The following VIRMA variants were observed in gnomAD, a reference collection of about 807,000 sequenced individuals.
VIRMA encodes protein virilizer homolog.
In VIRMA, 65 loss-of-function variants were observed where a neutral mutation model predicts 182.4. That is an observed-to-expected ratio of 0.36 (90% CI 0.29 to 0.44). The LOEUF (loss-of-function observed/expected upper bound fraction) is 0.44. Among genes scored for constraint, VIRMA ranks in the 20% least tolerant of loss-of-function variants. The probability of loss-of-function intolerance (pLI) is 1.00; values close to 1 mark genes in which losing one functional copy is unlikely to be tolerated. For missense variants in VIRMA, 1,752 were observed against 2,158.1 expected, an observed-to-expected ratio of 0.81 and a Z score of 3.73; for synonymous variants, 709 against 743.1, an observed-to-expected ratio of 0.95 and a Z score of 0.75.
At position 94,517,972 on chromosome 8, in the gene VIRMA, G is replaced by A. The variant is rs759712312; in HGVS notation, c.2514-30C>T. 9.6e-6 allele frequency: 15 copies of A among 1,566,578 alleles called. No individual in the cohort carries two copies. The East Asian group carries it at 3.4e-4, about 35-fold the overall frequency. On this transcript the variant is annotated intron_variant, in intron 9 of 23. Coordinates refer to ENST00000297591, the MANE Select transcript of VIRMA (RefSeq NM_015496.5). Reference sequence around the variant, plus strand: ...AACAAAATAAGGTTTTTAAGTTTTGGATACAAAAACAATTTTTTAGGAACA... The same window carrying A: ...AACAAAATAAGGTTTTTAAGTTTTGAATACAAAAACAATTTTTTAGGAACA...
chr8:94,531,393 GAA>G (rs1815167306), intron 5 of VIRMA, among the ~76,000 whole-genome samples: 2 of 152,022 alleles, frequency 1.3e-5, no homozygotes, highest in African/African-American at 4.8e-5. Context: ...GAAATGAATG[GAA>G]AAAATACTTT....
intron 5 of VIRMA, among the ~76,000 whole-genome samples, chr8:94,532,593 T>G (rs1401253864): frequency 1.3e-5 from 2 of 152,198 alleles, no homozygotes; most frequent in Non-Finnish European, 2.9e-5. Context: ...ATGTTATCAC[T>G]GGGGGAGGCT....
At chr8:94,516,648 A>G (rs1159287349) in intron 10 of VIRMA, among the ~76,000 whole-genome samples, 1 of 152,168 alleles carries the variant, frequency 6.6e-6, no homozygotes, top group Admixed American at 6.5e-5. Flanking sequence ...TATAGCTCAA[A>G]GATATAAGAA....
chr8:94,538,344 T>C lies in VIRMA; in HGVS notation c.182A>G (p.Glu61Gly). Reference sequence around the variant, plus strand: ...TAATTGAAATGTATGGGGAGATGTCTCTCTGTAAATGAAACAAAGTTGAAA... The same window carrying C: ...TAATTGAAATGTATGGGGAGATGTCCCTCTGTAAATGAAACAAAGTTGAAA... ...SSLPDNRAYG[E>G]TSPHTFQLDL... is the part of the protein sequence containing the mutation. The change falls in exon 3 of 24, where the codon GAG (glutamate) becomes GGG (glycine). Residue 61 changes from glutamate (E) to glycine (G), a missense_variant and splice_region_variant. Physicochemically the swap from Glu to Gly is moderately conservative, Grantham distance 98. Transcript: ENST00000297591. The C allele has an allele frequency of 6.3e-7, 1 of 1,597,938 alleles. No individual in the cohort carries two copies. Among genetic ancestry groups the C allele is most frequent in the Non-Finnish European group, 8.6e-7 (1 of 1,165,848 alleles).
rs376386923 is a variant in VIRMA at position 94,488,722 on chromosome 8, C to T, written c.5423G>A (p.Arg1808His). ...SGGSGRGRHV[R>H]SFTR ...AAAGGATTTTTATCGTGTAAAGGAG[C>T]GTACATGACGACCTCTACCACTGCC... The change falls in exon 24 of 24, where the codon CGC (arginine) becomes CAC (histidine). Residue 1808 changes from arginine to histidine, a missense_variant. By Grantham distance (29) the Arg-to-His change is conservative. Coordinates refer to ENST00000297591, the MANE Select transcript of VIRMA (RefSeq NM_015496.5). The T allele has an allele frequency of 5.0e-6, 8 of 1,613,950 alleles. No individual in the cohort carries two copies. The highest frequency in any genetic ancestry group is 6.8e-6 in the Non-Finnish European group (8 of 1,179,980).
chr8:94,494,920 C>T lies in VIRMA; in HGVS notation c.4581G>A (p.Gln1527=). ...AYVLADVMDD[Q]LKSMWFTPFQ... ...ATGGAGTGAACCACATAGATTTCAA[C>T]TGATCATCCATGACATCAGCAAGCA... The change falls in exon 20 of 24, where the codon CAG becomes CAA. Residue 1527 remains glutamine (Q), a synonymous_variant. Coordinates refer to ENST00000297591, the MANE Select transcript of VIRMA (RefSeq NM_015496.5). The T allele has an allele frequency of 6.2e-7, 1 of 1,612,016 alleles. No individual in the cohort carries two copies. Among genetic ancestry groups the T allele is most frequent in the Admixed American group, 1.7e-5 (1 of 59,942 alleles).
chr8:94,508,099 A>AT (rs1259150824), intron 15 of VIRMA, among the ~76,000 whole-genome samples: 1 of 151,092 alleles, frequency 6.6e-6, no homozygotes, highest in Admixed American at 6.6e-5. Flanking sequence ...AGTAAACTGA[A>AT]TTTTTTTTTG....
At chr8:94,523,232 T>A (rs1414180608) in intron 8 of VIRMA, among the ~76,000 whole-genome samples, 1 of 152,208 alleles carries the variant, frequency 6.6e-6, no homozygotes, top group East Asian at 1.9e-4. Context: ...CAGGAATTGT[T>A]ATTGTTTACT....
intron 1 of VIRMA, among the ~76,000 whole-genome samples, chr8:94,552,938 C>T (rs1336402068): frequency 6.6e-6 from 1 of 151,942 alleles, no homozygotes. Context: ...AACATAATTC[C>T]CGACAGAAAA....
chr8:94,511,304 A>C lies in VIRMA; in HGVS notation c.3271T>G (p.Trp1091Gly), dbSNP rs1814364621. 1 of 1,613,926 alleles carries C rather than the reference A, an allele frequency of 6.2e-7. No homozygotes were observed. The highest frequency in any genetic ancestry group is 1.1e-5 in the South Asian group (1 of 91,044). Reference protein sequence around the residue: ...ISEETLANNTWSLMLKEVLSS... With the variant: ...ISEETLANNTGSLMLKEVLSS... ...AGAACTTCTTTTAACATTAAAGACC[A>C]AGTATTATTGGCCAGAGTCTCTTCT... Residue 1091 changes from tryptophan (W) to glycine (G), a missense_variant, in exon 13 of 24, where the codon TGG becomes GGG. Around this residue, in one of 11 missense-constraint regions of VIRMA, gnomAD observed 777 missense variants for 920.6 expected, o/e 0.84. Transcript: ENST00000297591.
rs1257602095 is a variant in VIRMA at position 94,511,824 on chromosome 8, ATTATAT to A, written c.2846-101_2846-96del. 5.5e-6 allele frequency: 4 copies of A among 724,558 alleles called. No homozygotes were observed. The African/African-American group carries it at 5.6e-5, about 10-fold the overall frequency. 44.9% of individuals were successfully genotyped at this position (724,558 alleles called of 1,614,324 possible). A position where few individuals can be genotyped will look rare whatever the true frequency, so the allele number is the denominator to read the frequency against. On this transcript the variant is annotated intron_variant, in intron 12 of 23. Coordinates refer to ENST00000297591, the MANE Select transcript of VIRMA (RefSeq NM_015496.5). ...AAGTGAATATTTAATATTTATGATA[ATTATAT>A]TTATAATAAATGATTTTTATTATGA...
chr8:94,518,810 C>T (rs1213132717), intron 9 of VIRMA, among the ~76,000 whole-genome samples, 175 bp downstream of exon 9: 1 of 152,152 alleles, frequency 6.6e-6, no homozygotes, highest in African/African-American at 2.4e-5. Flanking sequence ...ACTTTATAGC[C>T]ACATCTTATA....
intron 20 of VIRMA, 124 bp from the exon 21 acceptor site, chr8:94,492,942 A>T: frequency 1.3e-6 from 1 of 789,352 alleles, no homozygotes; most frequent in East Asian, 2.7e-5. Context: ...TTATAGATCT[A>T]CCTCTTTCAT....
intron 6 of VIRMA, among the ~76,000 whole-genome samples, chr8:94,529,661 C>A (rs1320387945): frequency 6.6e-6 from 1 of 151,386 alleles, no homozygotes; most frequent in African/African-American, 2.4e-5. Flanking sequence ...TTTTTTGAGA[C>A]AAGAGTCTCA....
chr8:94,498,104 T>G (rs564571741), intron 17 of VIRMA: 1 of 152,106 alleles, frequency 6.6e-6, no homozygotes, highest in Admixed American at 6.5e-5. Flanking sequence ...CTTGAACTCA[T>G]AGGTTCAAGT....
intron 1 of VIRMA, among the ~76,000 whole-genome samples, chr8:94,545,178 C>A (rs1159694500): frequency 2.6e-5 from 4 of 152,020 alleles, no homozygotes; most frequent in African/African-American, 9.7e-5. Flanking sequence ...TAAATTATAT[C>A]TAGTATATAC....
rs1467288353 is a variant in VIRMA, at chr8:94,496,437, G to A, written c.4274C>T (p.Ala1425Val). The change falls in exon 18 of 24, where the codon GCT (alanine) becomes GTT (valine). Residue 1425 changes from alanine to valine, a missense_variant. Physicochemically the swap from Ala to Val is moderately conservative, Grantham distance 64. Around this residue, in one of 11 missense-constraint regions of VIRMA, gnomAD observed 777 missense variants for 920.6 expected, o/e 0.84. Coordinates refer to ENST00000297591, the MANE Select transcript of VIRMA (RefSeq NM_015496.5). ...DDNGLMEVEGAHTSRTMSINA... is the reference protein window; with the variant it reads ...DDNGLMEVEGVHTSRTMSINA... ...AATACTCATCGTCCGTGATGTATGA[G>A]CTCCCTCTACTTCCATGAGACCATT... 1.2e-6 allele frequency: 2 copies of A among 1,612,914 alleles called. No homozygotes were observed. The highest frequency in any genetic ancestry group is 1.7e-6 in the Non-Finnish European group (2 of 1,179,192).
intron 22 of VIRMA, among the ~76,000 whole-genome samples, chr8:94,490,719 T>C (rs951186399): frequency 6.6e-6 from 1 of 151,876 alleles, no homozygotes; most frequent in African/African-American, 2.4e-5. Flanking sequence ...TGGTGGCGCA[T>C]GCCTATAATC....
chr8:94,517,899 T>A lies in VIRMA; in HGVS notation c.2557A>T (p.Ile853Leu). 6.2e-7 allele frequency: 1 copy of A among 1,612,382 alleles called. No homozygotes were observed. Among genetic ancestry groups the A allele is most frequent in the Non-Finnish European group, 8.5e-7 (1 of 1,178,606 alleles). The change falls in exon 10 of 24, where the codon ATA becomes TTA. Residue 853 changes from isoleucine to leucine, a missense_variant. Ile to Leu is a conservative substitution (Grantham distance 5). Around this residue, in one of 11 missense-constraint regions of VIRMA, gnomAD observed 777 missense variants for 920.6 expected, o/e 0.84. Transcript: ENST00000297591. Reference sequence around the variant, plus strand: ...GACTGAACCACCACCAAAATAAGTATGCATGCGTAATTATAAGCTACTGAC... The same window carrying A: ...GACTGAACCACCACCAAAATAAGTAAGCATGCGTAATTATAAGCTACTGAC... ...KKSVAYNYAC[I>L]LILVVVQSSS...
Sources: allele counts gnomAD v4.1 joint callset (sites outside exome capture counted in the v4.1 genomes callset), GRCh38; gene constraint gnomAD v4.1.1; regional missense constraint gnomAD v4.1.1; transcripts MANE v1.5; gene names NCBI Gene and HGNC (gene_info 2026-07-23, HGNC 2026-07-21).